PAK3: variants seen among roughly 807,000 people sequenced by gnomAD.
PAK3 encodes the protein serine/threonine-protein kinase PAK 3.
Under a neutral mutation model 41.0 loss-of-function variants are expected in PAK3, and 4 were observed. The observed-to-expected ratio is 0.10, with a 90% CI of 0.05 to 0.22. The LOEUF (loss-of-function observed/expected upper bound fraction) is 0.22. Among genes scored for constraint, PAK3 ranks in the 10% least tolerant of loss-of-function variants. The pLI is 1.00. For missense variants in PAK3, 205 were observed against 409.9 expected, an observed-to-expected ratio of 0.50 and a Z score of 4.32; for synonymous variants, 146 against 139.6, an observed-to-expected ratio of 1.05 and a Z score of -0.32.
chrX:111,012,981 G>A (rs1281258946), intron 1 of PAK3, among the ~76,000 whole-genome samples: 1 of 111,575 alleles, frequency 9.0e-6, no homozygotes, highest in Non-Finnish European at 1.9e-5. Context: ...ATGTGGTCTC[G>A]CTATGTTTCC....
chrX:111,075,074 C>T (rs754207664), intron 1 of PAK3, among the ~76,000 whole-genome samples: 1 of 111,553 alleles, frequency 9.0e-6, no homozygotes, highest in East Asian at 2.8e-4. Context: ...AGTTGGAACT[C>T]ATATTTAAAA....
chrX:111,212,560 T>G (rs1842180786), intron 16 of PAK3, among the ~76,000 whole-genome samples: 1 of 111,893 alleles, frequency 8.9e-6, no homozygotes, highest in Non-Finnish European at 1.9e-5. Context: ...AGCCCATATA[T>G]AACTGAAAGT....
rs1028803310 is a variant in PAK3 at position 111,111,175 on chromosome X, T to C, written c.-28+7869T>C. On this transcript the variant is annotated intron_variant, in intron 4 of 17. Coordinates refer to ENST00000372007, the MANE Select transcript of PAK3 (RefSeq NM_002578.5). Reference sequence around the variant, plus strand: ...GTTTCATAATGCCAAATGAATGTGTTAGAACCACTGCTACAATTGTATCTG... The same window carrying C: ...GTTTCATAATGCCAAATGAATGTGTCAGAACCACTGCTACAATTGTATCTG... Among the ~76,000 whole-genome samples the C allele has an allele frequency of 2.0e-4, 22 of 112,454 alleles. No individual in the cohort carries two copies. The South Asian group carries it at 3.0e-3, about 15-fold the overall frequency.
chrX:111,214,943 C>T (rs1318787159), intron 16 of PAK3, among the ~76,000 whole-genome samples: 2 of 111,389 alleles, frequency 1.8e-5, no homozygotes, highest in Non-Finnish European at 3.8e-5. Flanking sequence ...CCTGGCAGTA[C>T]CTGCAGGCAA....
chrX:110,979,841 G>C (rs2091419048), intron 1 of PAK3, among the ~76,000 whole-genome samples: 1 of 111,980 alleles, frequency 8.9e-6, no homozygotes, highest in Admixed American at 9.5e-5. Flanking sequence ...TGATCTGTAG[G>C]TTAGAAGTCC....
intron 1 of PAK3, among the ~76,000 whole-genome samples, chrX:110,952,348 A>G (rs2090761200): frequency 9.0e-6 from 1 of 111,542 alleles, no homozygotes; most frequent in Admixed American, 9.5e-5. Context: ...ATGGGGAAAC[A>G]TGAAAAAGTG....
At chrX:111,027,655 A>T (rs1339390512) in intron 1 of PAK3, among the ~76,000 whole-genome samples, 1 of 111,465 alleles carries the variant, frequency 9.0e-6, no homozygotes, top group Non-Finnish European at 1.9e-5. Flanking sequence ...CATAATAAAA[A>T]ATAAAGAAAT....
intron 1 of PAK3, among the ~76,000 whole-genome samples, chrX:111,053,575 A>G (rs2092578516): frequency 9.0e-6 from 1 of 111,072 alleles, no homozygotes; most frequent in South Asian, 3.9e-4. Flanking sequence ...CATACTCCAT[A>G]CCATTAGGCA....
chrX:111,077,353 A>C (rs1036423731), intron 1 of PAK3, among the ~76,000 whole-genome samples: 1 of 112,218 alleles, frequency 8.9e-6, no homozygotes, highest in Non-Finnish European at 1.9e-5. Context: ...AGGACCAAAG[A>C]AATCTTGAGT....
At chrX:110,971,027 GA>G (rs749696381) in intron 1 of PAK3, among the ~76,000 whole-genome samples, 2 of 112,219 alleles carry the variant, frequency 1.8e-5, no homozygotes, top group Non-Finnish European at 3.8e-5. Context: ...CAATCTTAGA[GA>G]AAAACATTCA....
chrX:111,124,615 T>C (rs774030774), intron 5 of PAK3, among the ~76,000 whole-genome samples: 6 of 112,192 alleles, frequency 5.3e-5, no homozygotes, highest in African/African-American at 1.9e-4. Flanking sequence ...TGAATACTTC[T>C]GAAGAGCAAG....
chrX:111,028,350 T>G (rs1399539686), intron 1 of PAK3, among the ~76,000 whole-genome samples: 1 of 109,500 alleles, frequency 9.1e-6, no homozygotes, highest in African/African-American at 3.3e-5. Flanking sequence ...ACTAAAGAAT[T>G]TATTCAGGTA....
At chrX:111,024,580 G>A (rs932069751) in intron 1 of PAK3, among the ~76,000 whole-genome samples, 2 of 110,703 alleles carry the variant, frequency 1.8e-5, no homozygotes, top group African/African-American at 3.3e-5. Flanking sequence ...ATAATAAAAG[G>A]ACTAGTCCAA....
At chrX:111,013,993 C>T (rs1001580751) in intron 1 of PAK3, 2 of 111,730 alleles carry the variant, frequency 1.8e-5, no homozygotes, top group African/African-American at 3.3e-5. Flanking sequence ...CTTCCTGCCT[C>T]TTCATGTTGT....
intron 1 of PAK3, among the ~76,000 whole-genome samples, chrX:111,005,014 G>C (rs910664894): frequency 8.9e-6 from 1 of 112,306 alleles, no homozygotes; most frequent in African/African-American, 3.2e-5. Context: ...GAGTTGGCTA[G>C]TTCTCTCGAA....
intron 1 of PAK3, among the ~76,000 whole-genome samples, chrX:110,977,754 C>A (rs758846769): frequency 9.0e-6 from 1 of 110,978 alleles, no homozygotes; most frequent in Non-Finnish European, 1.9e-5. Context: ...GATCTTGTAC[C>A]CTGCAACCCT....
At chrX:111,079,957 A>T (rs1250454856) in intron 1 of PAK3, among the ~76,000 whole-genome samples, 3 of 112,251 alleles carry the variant, frequency 2.7e-5, no homozygotes, top group Non-Finnish European at 5.6e-5. Context: ...GAGCCTGAAA[A>T]TGTGACTGAA....
chrX:111,010,284 G>A (rs1471819243), intron 1 of PAK3, among the ~76,000 whole-genome samples: 1 of 111,895 alleles, frequency 8.9e-6, no homozygotes, highest in Non-Finnish European at 1.9e-5. Context: ...GAACCACCCA[G>A]TTTCATGCTG....
chrX:111,007,780 T>C (rs375265845), intron 1 of PAK3, among the ~76,000 whole-genome samples: 1 of 111,874 alleles, frequency 8.9e-6, no homozygotes, highest in African/African-American at 3.3e-5. Flanking sequence ...CTGTTATTTA[T>C]ATCTTCCTTG....
Sources: allele counts gnomAD v4.1 joint callset (sites outside exome capture counted in the v4.1 genomes callset), GRCh38; gene constraint gnomAD v4.1.1; transcripts MANE v1.5; gene names NCBI Gene and HGNC (gene_info 2026-07-23, HGNC 2026-07-21).